The following RABGAP1L variants were observed in gnomAD, a reference collection of about 807,000 sequenced individuals.
The protein encoded by RABGAP1L is RAB GTPase activating protein 1 like.
In RABGAP1L, 63 loss-of-function variants were observed where a neutral mutation model predicts 137.7. The ratio of observed to expected loss-of-function variants is 0.46; its 90% CI spans 0.37 to 0.56. The LOEUF (loss-of-function observed/expected upper bound fraction) is 0.56. Ranked by LOEUF, RABGAP1L falls within the 20% of genes least tolerant of loss-of-function variation. The pLI is 0.00. For synonymous variants in RABGAP1L, 431 were observed against 433.7 expected (o/e 0.99, Z 0.08); for missense variants, 1,095 against 1,244.0 (o/e 0.88, Z 1.80).
intron 10 of RABGAP1L, among the ~76,000 whole-genome samples, chr1:174,297,395 G>A (rs1020361061): frequency 1.3e-5 from 2 of 152,152 alleles, no homozygotes; most frequent in African/African-American, 4.8e-5. Flanking sequence ...GTGCTAGAGC[G>A]CCTCCCGCCG....
At chr1:174,971,788 A>AG (rs1346778031) in intron 21 of RABGAP1L, among the ~76,000 whole-genome samples, 1 of 152,256 alleles carries the variant, frequency 6.6e-6, no homozygotes, top group Non-Finnish European at 1.5e-5. Context: ...TAGTTTGCCC[A>AG]GTACTTTCCC....
intron 13 of RABGAP1L, among the ~76,000 whole-genome samples, chr1:174,462,854 T>A (rs1656842406): frequency 6.6e-6 from 1 of 152,172 alleles, no homozygotes; most frequent in South Asian, 2.1e-4. Flanking sequence ...CAGGAACAGA[T>A]GCTTCTCAAA....
intron 13 of RABGAP1L, among the ~76,000 whole-genome samples, chr1:174,496,267 A>G (rs886804402): frequency 1.3e-5 from 2 of 152,204 alleles, no homozygotes; most frequent in African/African-American, 4.8e-5. Flanking sequence ...GTTGAGAAGA[A>G]GAGCCGTAGG....
At chr1:174,270,038 G>A (rs961370487) in intron 7 of RABGAP1L, among the ~76,000 whole-genome samples, 1 of 152,140 alleles carries the variant, frequency 6.6e-6, no homozygotes, top group Non-Finnish European at 1.5e-5. Flanking sequence ...TTAATGAAGT[G>A]TAATTTTGAA....
intron 19 of RABGAP1L, among the ~76,000 whole-genome samples, chr1:174,858,370 T>C (rs1649667149): frequency 6.6e-6 from 1 of 152,132 alleles, no homozygotes; most frequent in Non-Finnish European, 1.5e-5. Flanking sequence ...TGATTTTGCC[T>C]TGAGGGGACA....
At chr1:174,479,065 A>G (rs1658806998) in intron 13 of RABGAP1L, among the ~76,000 whole-genome samples, 3 of 152,242 alleles carry the variant, frequency 2.0e-5, no homozygotes, top group African/African-American at 7.2e-5. Flanking sequence ...CCTGCATCCA[A>G]GAATAACTGC....
At chr1:174,589,919 T>A (rs529916357) in intron 13 of RABGAP1L, among the ~76,000 whole-genome samples, 1 of 152,274 alleles carries the variant, frequency 6.6e-6, no homozygotes, top group African/African-American at 2.4e-5. Flanking sequence ...TTCTTTTTGT[T>A]TAGGATGGCT....
intron 7 of RABGAP1L, among the ~76,000 whole-genome samples, chr1:174,253,879 A>G (rs1329722636): frequency 6.6e-6 from 1 of 152,158 alleles, no homozygotes; most frequent in Non-Finnish European, 1.5e-5. Context: ...AGAGAAATAA[A>G]AGCCTCTTCA....
At chr1:174,537,472 G>A (rs1226894369) in intron 13 of RABGAP1L, among the ~76,000 whole-genome samples, 3 of 152,156 alleles carry the variant, frequency 2.0e-5, no homozygotes, top group Non-Finnish European at 2.9e-5. Context: ...TCCCACTTGT[G>A]GATATTGGTA....
intron 18 of RABGAP1L, among the ~76,000 whole-genome samples, chr1:174,809,907 A>G (rs1689706912): frequency 6.6e-6 from 1 of 152,190 alleles, no homozygotes; most frequent in South Asian, 2.1e-4. Flanking sequence ...TTTTCCAGCT[A>G]AGTTAAGGTG....
At chr1:174,864,439 A>G (rs1479335729) in intron 19 of RABGAP1L, among the ~76,000 whole-genome samples, 1 of 152,242 alleles carries the variant, frequency 6.6e-6, no homozygotes, top group Non-Finnish European at 1.5e-5. Flanking sequence ...ACAGTTCAGC[A>G]TGGCTGGGGA....
chr1:174,503,963 CTTTTTTTTTTCTT>C (rs1661578518), intron 13 of RABGAP1L, among the ~76,000 whole-genome samples: 1 of 116,164 alleles, frequency 8.6e-6, no homozygotes, highest in African/African-American at 4.6e-5. Flanking sequence ...TCAATAGACT[CTTTTTTTTTTCTT>C]TTCTTTTTTT....
intron 13 of RABGAP1L, among the ~76,000 whole-genome samples, chr1:174,461,676 G>A (rs996071927): frequency 2.0e-5 from 3 of 152,152 alleles, no homozygotes; most frequent in Non-Finnish European, 2.9e-5. Context: ...TTGAGGGTAT[G>A]GTTGGACTGA....
At chr1:174,860,448 TA>T (rs909857329) in intron 19 of RABGAP1L, among the ~76,000 whole-genome samples, 8 of 151,406 alleles carry the variant, frequency 5.3e-5, no homozygotes, top group African/African-American at 1.5e-4. Flanking sequence ...AGACCCTGTT[TA>T]AAAAAAAATT....
At chr1:174,968,355 A>G (rs904508963) in intron 20 of RABGAP1L, among the ~76,000 whole-genome samples, 1 of 152,194 alleles carries the variant, frequency 6.6e-6, no homozygotes, top group Admixed American at 6.5e-5. Flanking sequence ...TGAATCTCCT[A>G]TAACTGTTAA....
chr1:174,689,535 T>C (rs1678724126), intron 15 of RABGAP1L, among the ~76,000 whole-genome samples: 1 of 152,136 alleles, frequency 6.6e-6, no homozygotes, highest in Non-Finnish European at 1.5e-5. Flanking sequence ...ATTGTCTTAA[T>C]TATGTTAGTA....
chr1:174,693,574 A>G (rs908662654), intron 15 of RABGAP1L, among the ~76,000 whole-genome samples: 8 of 151,408 alleles, frequency 5.3e-5, no homozygotes, highest in Admixed American at 3.3e-4. Flanking sequence ...GTTATGCATC[A>G]CTTTTCTTTT....
chr1:174,863,365 A>G (rs1008363080), intron 19 of RABGAP1L, among the ~76,000 whole-genome samples: 1 of 151,708 alleles, frequency 6.6e-6, no homozygotes, highest in African/African-American at 2.4e-5. Context: ...TATCAATGAT[A>G]TTTGCTGAGT....
chr1:174,288,823 T>C (rs1676310516), intron 10 of RABGAP1L, among the ~76,000 whole-genome samples: 1 of 152,190 alleles, frequency 6.6e-6, no homozygotes, highest in Non-Finnish European at 1.5e-5. Flanking sequence ...TTCCTTCGGA[T>C]ACTTCTGGAA....
Sources: allele counts gnomAD v4.1 joint callset (sites outside exome capture counted in the v4.1 genomes callset), GRCh38; gene constraint gnomAD v4.1.1; transcripts MANE v1.5; gene names NCBI Gene and HGNC (gene_info 2026-07-23, HGNC 2026-07-21).